Variants in FAH observed in about 807,000 individuals in gnomAD.
FAH encodes fumarylacetoacetate hydrolase.
A neutral mutation model predicts 55.8 loss-of-function variants in FAH; 47 were observed. The ratio of observed to expected loss-of-function variants is 0.84; its 90% confidence interval spans 0.67 to 1.07. FAH has a LOEUF of 1.07. Ranked by LOEUF, FAH falls within the 50% of genes least tolerant of loss-of-function variation. The pLI, the probability that FAH is intolerant of heterozygous loss-of-function variation, is 0.00. For synonymous variants in FAH, 199 were observed against 207.7 expected (o/e 0.96, Z 0.36); for missense variants, 495 against 545.9 (o/e 0.91, Z 0.93).
intron 1 of FAH, 27 bp from the exon 2 acceptor site, chr15:80,158,033 G>A (rs2041113716): frequency 6.4e-7 from 1 of 1,561,780 alleles, no homozygotes; most frequent in Non-Finnish European, 8.8e-7. Context: ...GCTTTTTCTG[G>A]TGCTGACGGT....
intron 10 of FAH, 188 bp from the exon 11 acceptor site, chr15:80,177,349 C>T: frequency 1.6e-6 from 1 of 629,842 alleles, no homozygotes; most frequent in Non-Finnish European, 2.8e-6. Context: ...GAAGTGATGA[C>T]TTGTGTGCAT....
chr15:80,158,488 T>TTGACAAGCCTTG (rs1228094957), intron 2 of FAH, among the ~76,000 whole-genome samples: 1 of 152,176 alleles, frequency 6.6e-6, no homozygotes, highest in Non-Finnish European at 1.5e-5. Context: ...TGTCAAGCTG[T>TTGACAAGCCTTG]TTGAGCCTCT....
At chr15:80,172,939 T>C in intron 8 of FAH, 75 bp from the exon 9 acceptor site, 1 of 1,603,698 alleles carries the variant, frequency 6.2e-7, no homozygotes, top group Non-Finnish European at 8.5e-7. Context: ...TGCTCCTTGG[T>C]CAAGGGCAGG....
intron 5 of FAH, among the ~76,000 whole-genome samples, chr15:80,165,402 C>A (rs1411244727): frequency 1.3e-5 from 2 of 152,062 alleles, no homozygotes; most frequent in African/African-American, 4.8e-5. Context: ...ATGGCGGGTG[C>A]CTGTAATTTC....
intron 7 of FAH, among the ~76,000 whole-genome samples, chr15:80,171,516 C>T (rs949368174): frequency 6.6e-6 from 1 of 152,076 alleles, no homozygotes. Context: ...GCTGGAGTGC[C>T]GTGGCGTGAT....
chr15:80,166,635 C>CTTTTTT (rs768001652), intron 5 of FAH, among the ~76,000 whole-genome samples: 76 of 118,330 alleles, frequency 6.4e-4, no homozygotes, highest in Admixed American at 8.4e-4. Context: ...TTTGCATTTT[C>CTTTTTT]TTTTTTTTTT....
Position 80,186,212 on chromosome 15 carries a change from T to C in FAH, c.*3T>C. 6.2e-7 allele frequency: 1 copy of C among 1,612,570 alleles called. No individual in the cohort carries two copies. Among genetic ancestry groups the C allele is most frequent in the Non-Finnish European group, 8.5e-7 (1 of 1,178,600 alleles). ...TGCCTGCTCTCCTGCCATCATGAGA[T>C]TTTCTCTGCTCTTCTGGAAACAAAG... On this transcript the variant is annotated 3_prime_UTR_variant, in exon 14 of 14. Transcript: ENST00000561421.
At chr15:80,177,634 A>T in intron 11 of FAH, 51 bp downstream of exon 11, 1 of 1,518,842 alleles carries the variant, frequency 6.6e-7, no homozygotes, top group Non-Finnish European at 9.1e-7. Flanking sequence ...GGAAAGAGAG[A>T]CTTTTCTTCC....
intron 1 of FAH, among the ~76,000 whole-genome samples, chr15:80,154,203 C>T (rs749890573): frequency 8.1e-4 from 124 of 152,312 alleles, no homozygotes; most frequent in Non-Finnish European, 4.7e-4. Context: ...TTGTGATGGC[C>T]AACAACCTTT....
At chr15:80,165,294 C>T (rs1221595118) in intron 5 of FAH, among the ~76,000 whole-genome samples, 6 of 151,534 alleles carry the variant, frequency 4.0e-5, no homozygotes, top group South Asian at 4.2e-4. Flanking sequence ...TTTGGGAGGC[C>T]GAGACGGGCG....
At chr15:80,166,635 C>CTT (rs768001652) in intron 5 of FAH, among the ~76,000 whole-genome samples, 2,145 of 118,300 alleles carry the variant, frequency 0.018, 100 homozygotes, top group African/African-American at 0.03. Flanking sequence ...TTTGCATTTT[C>CTT]TTTTTTTTTT....
At chr15:80,158,425 C>T (rs960553090) in intron 2 of FAH, among the ~76,000 whole-genome samples, 7 of 152,108 alleles carry the variant, frequency 4.6e-5, no homozygotes, top group South Asian at 2.1e-4. Context: ...AGTCCTGGGT[C>T]GTTCCTAGTT....
intron 7 of FAH, among the ~76,000 whole-genome samples, chr15:80,169,469 A>G (rs1218392299): frequency 6.6e-6 from 1 of 152,210 alleles, no homozygotes; most frequent in Non-Finnish European, 1.5e-5. Context: ...GGCTGGGCCC[A>G]TACAACCTCA....
chr15:80,168,327 T>A lies in FAH; in HGVS notation c.606+11T>A, dbSNP rs200885347. 1.2e-6 allele frequency: 2 copies of A among 1,611,898 alleles called. No homozygotes were observed. The highest frequency in any genetic ancestry group is 2.7e-5 in the African/African-American group (2 of 74,782). On this transcript the variant is annotated intron_variant, in intron 7 of 13. Transcript: ENST00000561421. ...ATGGAGCTGGAAATGGTAAGTGAGC[T>A]TGATGTTTTATTGCCATGGGATCTA...
In FAH at chr15:80,159,671, C is replaced by T. The variant is rs35880073; in HGVS notation, c.193-85C>T. 120,281 of 1,532,004 alleles carry T rather than the reference C, an allele frequency of 0.079. 4,746 individuals are homozygous for T. The highest frequency in any genetic ancestry group is 0.088 in the South Asian group (7,795 of 89,084). The allele number at this position is 1,532,004 out of a possible 1,614,324, so 94.9% of individuals were successfully genotyped here. A position where few individuals can be genotyped will look rare whatever the true frequency, so the allele number is the denominator to read the frequency against. ...GCGGGAGAGAAGTGGCAAGGGCTGGCAGGCTGGCTGGCCTTCCATTGGAAG... is the reference window on the plus strand; with the variant it reads ...GCGGGAGAGAAGTGGCAAGGGCTGGTAGGCTGGCTGGCCTTCCATTGGAAG... On this transcript the variant is annotated intron_variant, in intron 2 of 13. Coordinates refer to ENST00000561421, the MANE Select transcript of FAH (RefSeq NM_000137.4).
rs533792822 is a variant in FAH at position 80,172,357 on chromosome 15, G to A, written c.706+109G>A. On this transcript the variant is annotated intron_variant, in intron 8 of 13. Coordinates refer to ENST00000561421, the MANE Select transcript of FAH (RefSeq NM_000137.4). ...GTGCAGGTCAAAAGTGGCAGGTGAT[G>A]CAGTGACTGAGAGTGGGGGTCTGGG... 7.4e-6 allele frequency: 6 copies of A among 811,642 alleles called. No individual in the cohort carries two copies. In the East Asian group the frequency reaches 9.9e-5, roughly 13 times the overall value. The allele number at this position is 811,642 out of a possible 1,614,324, so 50.3% of individuals were successfully genotyped here.
intron 13 of FAH, among the ~76,000 whole-genome samples, chr15:80,184,509 CCGAGTT>C (rs1326228801): frequency 6.6e-6 from 1 of 151,956 alleles, no homozygotes; most frequent in Admixed American, 6.6e-5. Context: ...TGCTGCAGTT[CCGAGTT>C]AGTTGTTTTG....
chr15:80,156,192 T>C lies in FAH; in HGVS notation c.82-1868T>C, dbSNP rs372954153. ...GACCAAGGAGCGCTCAAGCGGCCCTTATGCGGGTGTGACAGGGCTCACCTC... is the reference window on the plus strand; with the variant it reads ...GACCAAGGAGCGCTCAAGCGGCCCTCATGCGGGTGTGACAGGGCTCACCTC... On this transcript the variant is annotated intron_variant, in intron 1 of 13. Coordinates refer to ENST00000561421, the MANE Select transcript of FAH (RefSeq NM_000137.4). 14 of 224,570 alleles carry C rather than the reference T, an allele frequency of 6.2e-5. No homozygotes were observed. In the East Asian group the frequency reaches 1.4e-3, roughly 22 times the overall value. 13.9% of individuals were successfully genotyped at this position (224,570 alleles called of 1,614,324 possible). A position where few individuals can be genotyped will look rare whatever the true frequency, so the allele number is the denominator to read the frequency against.
At chr15:80,155,538 T>A (rs1040330703) in intron 1 of FAH, among the ~76,000 whole-genome samples, 2 of 152,152 alleles carry the variant, frequency 1.3e-5, no homozygotes, top group African/African-American at 4.8e-5. Flanking sequence ...GGTCCAGCCC[T>A]ACGGGGCTTA....
Sources: allele counts gnomAD v4.1 joint callset (sites outside exome capture counted in the v4.1 genomes callset), GRCh38; gene constraint gnomAD v4.1.1; transcripts MANE v1.5; gene names NCBI Gene and HGNC (gene_info 2026-07-23, HGNC 2026-07-21).